FARP2: variants seen among roughly 807,000 people sequenced by gnomAD.
FARP2 encodes the protein FERM, ARH/RhoGEF and pleckstrin domain protein 2.
Under a neutral mutation model 130.5 loss-of-function variants are expected in FARP2, and 111 were observed. The observed-to-expected ratio is 0.85, with a 90% CI of 0.73 to 1.00. FARP2 has a LOEUF of 1.00. Ranked by LOEUF, FARP2 falls within the 50% of genes least tolerant of loss-of-function variation. FARP2 has a pLI of 0.00. For synonymous variants in FARP2, 504 were observed against 516.9 expected (o/e 0.98, Z 0.34); for missense variants, 1,385 against 1,346.3 (o/e 1.03, Z -0.45).
chr2:241,483,440 AG>A (rs753083127), intron 19 of FARP2, 24 bp from the exon 20 acceptor site: 11 of 1,610,218 alleles, frequency 6.8e-6, no homozygotes, highest in Non-Finnish European at 9.3e-6. Flanking sequence ...GCCCGCTGAA[AG>A]GGGACTCTGT....
chr2:241,446,962 G>T (rs2063527862), intron 13 of FARP2: 1 of 152,172 alleles, frequency 6.6e-6, no homozygotes, highest in South Asian at 2.1e-4. Context: ...AAGAAAAAAT[G>T]AGCTGAAATT....
At chr2:241,484,143 A>T in intron 20 of FARP2, 99 bp from the exon 21 acceptor site, 2 of 1,569,964 alleles carry the variant, frequency 1.3e-6, no homozygotes. Flanking sequence ...AGCTGCACAG[A>T]TCTGATGTCC....
intron 4 of FARP2, among the ~76,000 whole-genome samples, chr2:241,407,228 G>C (rs184767537): frequency 2.0e-5 from 3 of 152,076 alleles, no homozygotes; most frequent in East Asian, 3.9e-4. Context: ...ATGCTTCTTT[G>C]TTTTTTCTTT....
chr2:241,447,776 C>T (rs190118813), intron 13 of FARP2, among the ~76,000 whole-genome samples: 44 of 152,336 alleles, frequency 2.9e-4, no homozygotes, highest in Admixed American at 2.5e-3. Context: ...GCCCCACACA[C>T]GCCTGCGGGG....
Position 241,403,863 on chromosome 2 carries a change from G to A in FARP2, c.219G>A (p.Val73=), listed in dbSNP as rs575425488. The change falls in exon 3 of 27, where the codon GTG becomes GTA. Residue 73 remains valine (V), a synonymous_variant. Transcript: ENST00000264042. ...ATGGCCAGGTATTACTGACACAAGT[G>A]TGGAAGCGTTTAAACCTGGTAGAAT... The part of the protein sequence containing the change: ...KCDGQVLLTQ[V]WKRLNLVECD... 1.5e-5 allele frequency: 25 copies of A among 1,613,842 alleles called. No homozygotes were observed. The highest frequency in any genetic ancestry group is 1.4e-4 in the South Asian group (13 of 91,074).
chr2:241,434,883 TC>T, intron 10 of FARP2, 78 bp from the exon 11 acceptor site: 1 of 872,868 alleles, frequency 1.1e-6, no homozygotes, highest in Non-Finnish European at 1.9e-6. Flanking sequence ...GATGGGTAAA[TC>T]TTTTCTTTTG....
chr2:241,453,296 C>T (rs953640190), intron 13 of FARP2, among the ~76,000 whole-genome samples: 3 of 151,472 alleles, frequency 2.0e-5, no homozygotes, highest in African/African-American at 7.3e-5. Flanking sequence ...TGCTACTGCA[C>T]TCCAACCTGG....
chr2:241,492,775 G>A (rs1296247417), intron 24 of FARP2, 154 bp from the exon 25 acceptor site: 1 of 581,368 alleles, frequency 1.7e-6, no homozygotes, highest in Non-Finnish European at 3.1e-6. Flanking sequence ...TTGGACTTAA[G>A]TACTGATAAA....
chr2:241,444,851 TCAG>T (rs2063476781), intron 13 of FARP2: 1 of 152,188 alleles, frequency 6.6e-6, no homozygotes, highest in East Asian at 1.9e-4. Context: ...CACCTCAAAT[TCAG>T]TGTTACCCAC....
chr2:241,481,840 C>T (rs936165478), intron 19 of FARP2, among the ~76,000 whole-genome samples: 1 of 152,186 alleles, frequency 6.6e-6, no homozygotes, highest in East Asian at 1.9e-4. Flanking sequence ...TCCACACTTC[C>T]CATGTGGCCT....
intron 9 of FARP2, 69 bp downstream of exon 9, chr2:241,431,843 G>A (rs753037643): frequency 9.0e-5 from 45 of 500,584 alleles, no homozygotes; most frequent in Admixed American, 1.9e-4. Context: ...TTTTTGAGAC[G>A]GAGTTTCGCT....
intron 2 of FARP2, among the ~76,000 whole-genome samples, chr2:241,379,356 C>T (rs1048269197): frequency 2.6e-5 from 4 of 152,176 alleles, no homozygotes; most frequent in Admixed American, 6.5e-5. Context: ...CCCCTGGCAG[C>T]GAATGTCCTT....
At position 241,468,391 on chromosome 2, in the gene FARP2, C is replaced by A. The variant is rs375134891; in HGVS notation, c.2131+14C>A. On this transcript the variant is annotated intron_variant, in intron 18 of 26. Transcript: ENST00000264042. ...CTGACTGCCATGGTGAGTGTGGGTG[C>A]GGCCCTGCATCTCAAGGATCAGCGT... The A allele has an allele frequency of 7.6e-6, 12 of 1,588,348 alleles. No homozygotes were observed. Among genetic ancestry groups the A allele is most frequent in the Non-Finnish European group, 1.0e-5 (12 of 1,158,760 alleles).
intron 11 of FARP2, among the ~76,000 whole-genome samples, chr2:241,435,746 C>T (rs1160120238): frequency 6.7e-6 from 1 of 149,806 alleles, no homozygotes; most frequent in African/African-American, 2.5e-5. Flanking sequence ...CTCCTGACCT[C>T]ATGATCCACC....
At chr2:241,358,062 G>A (rs988208120) in intron 1 of FARP2, among the ~76,000 whole-genome samples, 5 of 152,134 alleles carry the variant, frequency 3.3e-5, no homozygotes, top group Non-Finnish European at 7.4e-5. Context: ...GGTGGCGCAC[G>A]CCTGTAATCA....
Position 241,361,529 on chromosome 2 carries a change from G to C in FARP2, c.-25+5141G>C, listed in dbSNP as rs2061186104. 2.6e-5 allele frequency among the ~76,000 whole-genome samples: 4 copies of C among 152,318 alleles called. No homozygotes were observed. In the South Asian group the frequency reaches 8.3e-4, roughly 32 times the overall value. On this transcript the variant is annotated intron_variant, in intron 1 of 26. Transcript: ENST00000264042. The stretch of plus-strand genomic sequence containing the variant: ...CAGAGGCAGAGTTGCAGTGGGAAAA[G>C]GCAGTAGTCTTAATTTATTGCAATT...
intron 13 of FARP2, chr2:241,442,889 G>A: frequency 4.2e-6 from 1 of 237,366 alleles, no homozygotes; most frequent in Non-Finnish European, 8.4e-6. Flanking sequence ...ATCTTCAATA[G>A]AATATGTGTA....
chr2:241,375,798 C>T (rs1207384879), intron 2 of FARP2, among the ~76,000 whole-genome samples: 1 of 151,652 alleles, frequency 6.6e-6, no homozygotes, highest in Non-Finnish European at 1.5e-5. Flanking sequence ...TTGCTATGTT[C>T]CCCAGGCCAG....
intron 2 of FARP2, among the ~76,000 whole-genome samples, chr2:241,373,612 G>T (rs2061472215): frequency 6.6e-6 from 1 of 152,186 alleles, no homozygotes; most frequent in Non-Finnish European, 1.5e-5. Flanking sequence ...AAGCCACCTG[G>T]TCTCAGCGAG....
Sources: gnomAD v4.1 joint callset for allele counts (sites outside exome capture counted in the v4.1 genomes callset) on GRCh38, gnomAD v4.1.1 for gene constraint, MANE v1.5 for transcripts, NCBI Gene and HGNC (gene_info 2026-07-23, HGNC 2026-07-21) for gene names.